The following COG5 variants were observed in gnomAD, a reference collection of about 807,000 sequenced individuals.
COG5 encodes the protein component of oligomeric golgi complex 5.
COG5 carries 86 observed loss-of-function variants against 110.4 expected under a neutral mutation model. The observed-to-expected ratio is 0.78, with a 90% CI of 0.65 to 0.93. COG5 has a LOEUF of 0.93. Ranked by LOEUF, COG5 falls within the 40% of genes least tolerant of loss-of-function variation. The pLI, the probability that COG5 is intolerant of heterozygous loss-of-function variation, is 0.00. For synonymous variants in COG5, 360 were observed against 334.6 expected, an observed-to-expected ratio of 1.08 and a Z score of -0.83; for missense variants, 1,077 against 987.0, an observed-to-expected ratio of 1.09 and a Z score of -1.22.
At chr7:107,214,122 T>C (rs1367554101) in intron 19 of COG5, among the ~76,000 whole-genome samples, 2 of 151,948 alleles carry the variant, frequency 1.3e-5, no homozygotes, top group African/African-American at 2.4e-5. Flanking sequence ...CAACAACAAC[T>C]GAACTGAAAA....
intron 2 of COG5, among the ~76,000 whole-genome samples, chr7:107,555,934 A>C (rs972151832): frequency 1.6e-4 from 24 of 152,080 alleles, no homozygotes; most frequent in Non-Finnish European, 1.3e-4. Context: ...GAATCATTTG[A>C]ACCCGGGAGG....
intron 10 of COG5, among the ~76,000 whole-genome samples, chr7:107,357,170 T>G (rs913510430): frequency 3.3e-5 from 5 of 152,204 alleles, no homozygotes; most frequent in Non-Finnish European, 7.4e-5. Flanking sequence ...AGTTACATCC[T>G]TAGCAAAAAT....
intron 1 of COG5, among the ~76,000 whole-genome samples, chr7:107,558,913 T>TCAAAAAAAAAAAAAAAAAAAAAA (rs1803548134): frequency 5.6e-5 from 1 of 17,888 alleles, no homozygotes; most frequent in Non-Finnish European, 9.6e-5. Flanking sequence ...AGACTTCATC[T>TCAAAAAAAAAAAAAAAAAAAAAA]CAAAAAAAAA....
intron 6 of COG5, among the ~76,000 whole-genome samples, chr7:107,485,665 G>GA (rs1289756017): frequency 6.6e-6 from 1 of 151,980 alleles, no homozygotes; most frequent in African/African-American, 2.4e-5. Flanking sequence ...TGTAAGCACT[G>GA]AAAAAAATTA....
At chr7:107,211,027 A>G (rs1054208238) in intron 20 of COG5, 72 bp downstream of exon 20, 18 of 1,542,620 alleles carry the variant, frequency 1.2e-5, no homozygotes, top group Non-Finnish European at 1.6e-5. Context: ...TCATTCAGTG[A>G]GTAGGGGCTC....
At chr7:107,471,961 G>A (rs888096874) in intron 6 of COG5, 1 of 151,916 alleles carries the variant, frequency 6.6e-6, no homozygotes, top group African/African-American at 2.4e-5. Flanking sequence ...TCAAAATAGT[G>A]AGCACTGCTA....
intron 11 of COG5, among the ~76,000 whole-genome samples, chr7:107,319,621 C>T (rs895666577): frequency 6.6e-6 from 1 of 152,158 alleles, no homozygotes; most frequent in African/African-American, 2.4e-5. Context: ...ACTCACTGTT[C>T]TAGTTTATAA....
intron 6 of COG5, among the ~76,000 whole-genome samples, chr7:107,493,663 A>G (rs181923925): frequency 1.6e-4 from 24 of 152,318 alleles, no homozygotes; most frequent in Admixed American, 1.2e-3. Context: ...GGCTTAGATG[A>G]TATCTTCTAG....
At chr7:107,287,400 T>C (rs1288504350) in intron 12 of COG5, among the ~76,000 whole-genome samples, 8 of 152,160 alleles carry the variant, frequency 5.3e-5, no homozygotes, top group Non-Finnish European at 7.4e-5. Context: ...AGCTCTCCCT[T>C]CATAACCGTC....
Position 107,232,097 on chromosome 7 carries a change from T to G in COG5, c.2092-1406A>C, listed in dbSNP as rs968341481. Among the ~76,000 whole-genome samples the G allele has an allele frequency of 3.9e-5, 6 of 152,280 alleles. No homozygotes were observed. In the East Asian group the frequency reaches 1.2e-3, roughly 29 times the overall value. On this transcript the variant is annotated intron_variant, in intron 18 of 21. Transcript: ENST00000297135. Reference sequence around the variant, plus strand: ...CATATTAAAGACATGGATTGCATACTGCATGTCCTAGAAGGAAACCTTATA... The same window carrying G: ...CATATTAAAGACATGGATTGCATACGGCATGTCCTAGAAGGAAACCTTATA...
intron 13 of COG5, among the ~76,000 whole-genome samples, chr7:107,283,160 G>T (rs571989973): frequency 6.6e-6 from 1 of 152,094 alleles, no homozygotes; most frequent in Non-Finnish European, 1.5e-5. Context: ...GCTAATCAAA[G>T]TTATATTCCT....
Position 107,477,703 on chromosome 7 carries a change from T to G in COG5, c.538+49534A>C, listed in dbSNP as rs1797075233. Among the ~76,000 whole-genome samples the G allele has an allele frequency of 2.0e-5, 3 of 151,842 alleles. No individual in the cohort carries two copies. In the South Asian group the frequency reaches 6.2e-4, roughly 31 times the overall value. On this transcript the variant is annotated intron_variant, in intron 6 of 21. Transcript: ENST00000297135. The stretch of plus-strand genomic sequence containing the variant: ...AATGTGCTAAGTAGTATATAATATG[T>G]AAACCAAAATAATATGTGTTAAAAA...
At chr7:107,516,150 T>C (rs1799906677) in intron 6 of COG5, among the ~76,000 whole-genome samples, 1 of 152,218 alleles carries the variant, frequency 6.6e-6, no homozygotes, top group Admixed American at 6.5e-5. Flanking sequence ...AATAAATATG[T>C]CTGCACTAAA....
At chr7:107,327,875 T>C (rs561634135) in intron 10 of COG5, among the ~76,000 whole-genome samples, 3 of 152,198 alleles carry the variant, frequency 2.0e-5, no homozygotes, top group Non-Finnish European at 2.9e-5. Flanking sequence ...GTAGCCACTA[T>C]GGAAAACATT....
chr7:107,369,099 C>T (rs760439545), intron 8 of COG5, among the ~76,000 whole-genome samples: 15 of 152,200 alleles, frequency 9.9e-5, no homozygotes, highest in South Asian at 2.1e-4. Flanking sequence ...ATGCCCAGCA[C>T]TGGTATCTTA....
At chr7:107,279,977 A>G (rs1805036744) in intron 14 of COG5, among the ~76,000 whole-genome samples, 1 of 151,728 alleles carries the variant, frequency 6.6e-6, no homozygotes, top group Non-Finnish European at 1.5e-5. Context: ...GTCCCTCCCT[A>G]CTCTCAATGC....
intron 12 of COG5, among the ~76,000 whole-genome samples, chr7:107,291,669 C>T (rs1292228926): frequency 6.6e-6 from 1 of 152,210 alleles, no homozygotes; most frequent in African/African-American, 2.4e-5. Context: ...ACATTTTCAA[C>T]AATGCCTTGA....
At chr7:107,209,944 T>A (rs1253754203) in intron 21 of COG5, 1 of 987,178 alleles carries the variant, frequency 1.0e-6, no homozygotes, top group African/African-American at 1.7e-5. Flanking sequence ...TGTTGCTTAA[T>A]AAGCCATGTA....
chr7:107,386,687 G>C (rs1423780251), intron 7 of COG5, among the ~76,000 whole-genome samples: 1 of 152,084 alleles, frequency 6.6e-6, no homozygotes, highest in Non-Finnish European at 1.5e-5. Flanking sequence ...GCACAATTAA[G>C]GGACCTGATG....
Sources: allele counts gnomAD v4.1 joint callset (sites outside exome capture counted in the v4.1 genomes callset), GRCh38; gene constraint gnomAD v4.1.1; transcripts MANE v1.5; gene names NCBI Gene and HGNC (gene_info 2026-07-23, HGNC 2026-07-21).